Variants in VPS54 observed in about 807,000 individuals in gnomAD.
The protein encoded by VPS54 is vacuolar protein sorting-associated protein 54.
In VPS54, 45 loss-of-function variants were observed where a neutral mutation model predicts 121.5. The observed-to-expected ratio is 0.37, with a 90% confidence interval of 0.29 to 0.47. The LOEUF (loss-of-function observed/expected upper bound fraction) is 0.47. VPS54 is among the 20% of genes least tolerant of loss of function. The pLI, the probability that VPS54 is intolerant of heterozygous loss-of-function variation, is 0.99. For synonymous variants in VPS54, 371 were observed against 385.8 expected, an observed-to-expected ratio of 0.96 and a Z score of 0.45; for missense variants, 1,090 against 1,131.4, an observed-to-expected ratio of 0.96 and a Z score of 0.52.
chr2:64,004,740 T>C (rs1436455121), intron 1 of VPS54, among the ~76,000 whole-genome samples: 1 of 152,216 alleles, frequency 6.6e-6, no homozygotes, highest in East Asian at 1.9e-4. Flanking sequence ...ACAATTATAC[T>C]GAACTACAGC....
intron 11 of VPS54, among the ~76,000 whole-genome samples, 174 bp from the exon 12 acceptor site, chr2:63,934,187 G>C (rs1169988661): frequency 2.0e-5 from 3 of 152,092 alleles, no homozygotes; most frequent in Admixed American, 6.6e-5. Flanking sequence ...ATGTGAAAAA[G>C]AACTGGCCAG....
chr2:63,919,302 G>C (rs975817855), intron 15 of VPS54, among the ~76,000 whole-genome samples: 10 of 151,674 alleles, frequency 6.6e-5, no homozygotes, highest in Non-Finnish European at 1.3e-4. Context: ...TTTACGTTTG[G>C]ATTTTCGCTA....
chr2:63,972,269 T>A (rs1261924497), intron 3 of VPS54, 25 bp from the exon 4 acceptor site: 1 of 1,516,964 alleles, frequency 6.6e-7, no homozygotes, highest in East Asian at 2.3e-5. Flanking sequence ...AATAACATCA[T>A]CAATGTATGT....
At position 63,968,915 on chromosome 2, in the gene VPS54, C is replaced by T. The variant is rs370804443; in HGVS notation, c.492+42G>A. ...CTGCTTGTAAGGCAAAATTAAAGAT[C>T]AAATATTATAAGGCAATTTTCTCAT... is the stretch of plus-strand genomic sequence containing the variant. On this transcript the variant is annotated intron_variant, in intron 5 of 22. Transcript: ENST00000272322. 103 of 1,533,256 alleles carry T rather than the reference C, an allele frequency of 6.7e-5. 2 individuals are homozygous for T. The Admixed American group carries it at 1.2e-3, about 18-fold the overall frequency. 95.0% of individuals were successfully genotyped at this position (1,533,256 alleles called of 1,614,324 possible). A position where few individuals can be genotyped will look rare whatever the true frequency, so the allele number is the denominator to read the frequency against.
At chr2:63,911,582 G>C (rs1037115904) in intron 20 of VPS54, among the ~76,000 whole-genome samples, 1 of 152,216 alleles carries the variant, frequency 6.6e-6, no homozygotes. Flanking sequence ...TAGAATATGT[G>C]TTTGGGTAGT....
At chr2:63,945,736 C>T (rs1166187360) in intron 9 of VPS54, among the ~76,000 whole-genome samples, 1 of 152,010 alleles carries the variant, frequency 6.6e-6, no homozygotes, top group African/African-American at 2.4e-5. Flanking sequence ...ACCAGAAAAG[C>T]AGAACTATAA....
intron 1 of VPS54, among the ~76,000 whole-genome samples, chr2:64,012,846 T>C (rs1410783210): frequency 6.6e-6 from 1 of 152,204 alleles, no homozygotes; most frequent in Non-Finnish European, 1.5e-5. Flanking sequence ...ATCTTCACCA[T>C]TTACTTGGCT....
intron 21 of VPS54, among the ~76,000 whole-genome samples, chr2:63,898,050 T>C (rs900976419): frequency 8.5e-5 from 13 of 152,356 alleles, no homozygotes; most frequent in African/African-American, 2.6e-4. Context: ...AATGAAATTA[T>C]GAAATGATTT....
chr2:63,950,055 G>A (rs566109781), intron 7 of VPS54, among the ~76,000 whole-genome samples: 8 of 152,192 alleles, frequency 5.3e-5, no homozygotes, highest in South Asian at 2.1e-4. Flanking sequence ...CCTCTGTTGT[G>A]GTACCTATTA....
At chr2:63,913,931 G>A (rs1161293371) in intron 17 of VPS54, 7 of 1,274,360 alleles carry the variant, frequency 5.5e-6, no homozygotes, top group Admixed American at 4.1e-5. Flanking sequence ...AGCACCTAAC[G>A]AACAAATCAT....
intron 16 of VPS54, among the ~76,000 whole-genome samples, chr2:63,915,681 G>A (rs1244559029): frequency 6.6e-6 from 1 of 152,090 alleles, no homozygotes; most frequent in Non-Finnish European, 1.5e-5. Context: ...TTATATTGAA[G>A]GGATGGGATT....
chr2:63,927,751 G>C (rs997508599), intron 12 of VPS54, among the ~76,000 whole-genome samples: 3 of 152,180 alleles, frequency 2.0e-5, no homozygotes, highest in African/African-American at 7.2e-5. Flanking sequence ...TTGCAAGGGA[G>C]CTAAAAACCT....
Position 63,933,962 on chromosome 2 carries a change from G to C in VPS54, c.1450C>G (p.Gln484Glu), listed in dbSNP as rs1161826453. 1.1e-5 allele frequency: 18 copies of C among 1,613,382 alleles called. No individual in the cohort carries two copies. The highest frequency in any genetic ancestry group is 1.5e-5 in the Non-Finnish European group (18 of 1,179,664). ...SVVLSVLDKN[Q>E]RTRELEEISQ... ...ATCTCTTCCAATTCTCTAGTCCTTTGGTTTTTGTCAAGAACTGAGAGAACA... is the reference window on the plus strand; with the variant it reads ...ATCTCTTCCAATTCTCTAGTCCTTTCGTTTTTGTCAAGAACTGAGAGAACA... The change falls in exon 12 of 23, where the codon CAA (glutamine) becomes GAA (glutamate). Residue 484 changes from glutamine to glutamate, a missense_variant. Coordinates refer to ENST00000272322, the MANE Select transcript of VPS54 (RefSeq NM_016516.3).
intron 1 of VPS54, among the ~76,000 whole-genome samples, chr2:64,009,228 T>A (rs951249594): frequency 1.3e-5 from 2 of 152,270 alleles, no homozygotes; most frequent in African/African-American, 4.8e-5. Flanking sequence ...TATGTTCATC[T>A]TCTATTGAAT....
intron 12 of VPS54, 41 bp from the exon 13 acceptor site, chr2:63,921,376 A>C (rs1030076359): frequency 6.2e-7 from 1 of 1,604,800 alleles, no homozygotes; most frequent in Non-Finnish European, 8.5e-7. Context: ...GAAAGTTGTA[A>C]ACATAGTATT....
chr2:64,018,861 G>A (rs938270610), intron 1 of VPS54, 77 bp downstream of exon 1: 2 of 151,430 alleles, frequency 1.3e-5, no homozygotes, highest in African/African-American at 4.9e-5. Context: ...GAGGGGGTGG[G>A]GTCTCGGTCC....
chr2:63,996,428 C>G (rs923409560), intron 1 of VPS54, among the ~76,000 whole-genome samples: 1 of 152,042 alleles, frequency 6.6e-6, no homozygotes, highest in Non-Finnish European at 1.5e-5. Flanking sequence ...GTGATGATTG[C>G]GTTAACTGCA....
At chr2:63,937,051 G>A (rs1674487884) in intron 11 of VPS54, among the ~76,000 whole-genome samples, 1 of 151,936 alleles carries the variant, frequency 6.6e-6, no homozygotes, top group Non-Finnish European at 1.5e-5. Flanking sequence ...ATTCTTACAA[G>A]AAAATACAGG....
chr2:63,905,439 A>C (rs1257339839), intron 20 of VPS54, among the ~76,000 whole-genome samples: 2 of 152,138 alleles, frequency 1.3e-5, no homozygotes, highest in Non-Finnish European at 1.5e-5. Context: ...TAACAGATGA[A>C]ATAGATAAAT....
Sources: allele counts gnomAD v4.1 joint callset (sites outside exome capture counted in the v4.1 genomes callset), GRCh38; gene constraint gnomAD v4.1.1; transcripts MANE v1.5; gene names NCBI Gene and HGNC (gene_info 2026-07-23, HGNC 2026-07-21).